Variants in CCDC85A observed in about 807,000 individuals in gnomAD.
CCDC85A encodes coiled-coil domain containing 85A, also known as coiled-coil domain-containing protein 85A.
CCDC85A carries 38 observed loss-of-function variants against 50.2 expected under a neutral mutation model. That is an observed-to-expected ratio of 0.76 (90% confidence interval 0.58 to 0.99). The LOEUF (loss-of-function observed/expected upper bound fraction) is 0.99. Among genes scored for constraint, CCDC85A ranks in the 50% least tolerant of loss-of-function variants. CCDC85A has a pLI of 0.00. For synonymous variants in CCDC85A, 366 were observed against 301.4 expected (o/e 1.21, Z -2.22); for missense variants, 820 against 742.0 (o/e 1.11, Z -1.22).
intron 2 of CCDC85A, among the ~76,000 whole-genome samples, chr2:56,217,991 G>A (rs1481192368): frequency 6.6e-6 from 1 of 151,844 alleles, no homozygotes; most frequent in Non-Finnish European, 1.5e-5. Context: ...TGGTTTTACA[G>A]ACTCTGAGTT....
intron 2 of CCDC85A, among the ~76,000 whole-genome samples, chr2:56,289,926 G>A (rs1671626358): frequency 6.6e-6 from 1 of 152,132 alleles, no homozygotes; most frequent in African/African-American, 2.4e-5. Context: ...TTCAACTGCA[G>A]ATCAAACTGA....
At chr2:56,332,296 C>T (rs13404434) in intron 2 of CCDC85A, among the ~76,000 whole-genome samples, 29,644 of 151,906 alleles carry the variant, frequency 0.2, 3,897 homozygotes, top group African/African-American at 0.38. Flanking sequence ...TGGGCTGATA[C>T]AACAGAATAC....
chr2:56,360,720 A>G (rs1675481539), intron 3 of CCDC85A, among the ~76,000 whole-genome samples: 1 of 152,162 alleles, frequency 6.6e-6, no homozygotes, highest in Non-Finnish European at 1.5e-5. Flanking sequence ...TTAGTTTGTG[A>G]CAGTAGTTGT....
Position 56,206,065 on chromosome 2 carries a change from A to C in CCDC85A, c.1240+12625A>C, listed in dbSNP as rs528363291. Reference sequence around the variant, plus strand: ...GGTGGAAATGAGAAAATTATGTTAAAGGAACAGTGAGGAGATGAGTAGGTC... The same window carrying C: ...GGTGGAAATGAGAAAATTATGTTAACGGAACAGTGAGGAGATGAGTAGGTC... On this transcript the variant is annotated intron_variant, in intron 2 of 5. Coordinates refer to ENST00000407595, the MANE Select transcript of CCDC85A (RefSeq NM_001080433.2). 2.2e-3 allele frequency among the ~76,000 whole-genome samples: 333 copies of C among 152,288 alleles called. 1 individual carries two copies. The highest frequency in any genetic ancestry group is 7.7e-3 in the African/African-American group (320 of 41,574).
At chr2:56,261,260 A>C (rs1670207124) in intron 2 of CCDC85A, among the ~76,000 whole-genome samples, 1 of 152,214 alleles carries the variant, frequency 6.6e-6, no homozygotes, top group African/African-American at 2.4e-5. Context: ...CCTTATAGAG[A>C]GAAACAGCAC....
At chr2:56,366,887 T>C (rs1247685240) in intron 3 of CCDC85A, among the ~76,000 whole-genome samples, 3 of 152,328 alleles carry the variant, frequency 2.0e-5, no homozygotes, top group East Asian at 3.9e-4. Flanking sequence ...TCATCTTTTA[T>C]GATTTAATCT....
At chr2:56,249,048 G>T (rs1486379812) in intron 2 of CCDC85A, among the ~76,000 whole-genome samples, 1 of 152,222 alleles carries the variant, frequency 6.6e-6, no homozygotes, top group Non-Finnish European at 1.5e-5. Flanking sequence ...TGACAATGGA[G>T]GGAGGAAGTC....
intron 2 of CCDC85A, among the ~76,000 whole-genome samples, chr2:56,205,625 A>T (rs986395309): frequency 3.3e-5 from 5 of 152,150 alleles, no homozygotes; most frequent in African/African-American, 9.7e-5. Flanking sequence ...AACTGATAAG[A>T]CTCATGGATG....
At chr2:56,302,582 G>A (rs1403956257) in intron 2 of CCDC85A, among the ~76,000 whole-genome samples, 3 of 152,196 alleles carry the variant, frequency 2.0e-5, no homozygotes, top group Non-Finnish European at 4.4e-5. Flanking sequence ...TGGGAAAAAT[G>A]TATTTGGTTT....
chr2:56,254,571 G>A (rs76032554), intron 2 of CCDC85A, among the ~76,000 whole-genome samples: 1,942 of 152,224 alleles, frequency 0.013, 42 homozygotes, highest in African/African-American at 0.044. Flanking sequence ...CTTACTTTCC[G>A]CTGTTCTAGA....
At position 56,184,703 on chromosome 2, in the gene CCDC85A, G is replaced by C. The variant is rs1472430691; in HGVS notation, c.79G>C (p.Ala27Pro). The change falls in exon 1 of 6, where the codon GCG becomes CCG. Residue 27 changes from alanine to proline, a missense_variant. Coordinates refer to ENST00000407595, the MANE Select transcript of CCDC85A (RefSeq NM_001080433.2). ...TTCCCCAGCCCCGGCCGGCTCGTCC[G>C]CGGCCCCGCCCGCGCCGGTGGAGGA... ...SCSPAPAGSS[A>P]APPAPVEDLS... is the part of the protein sequence containing the mutation. The C allele has an allele frequency of 6.6e-7, 1 of 1,525,708 alleles. No individual in the cohort carries two copies. The highest frequency in any genetic ancestry group is 2.0e-5 in the Admixed American group (1 of 49,448). The allele number at this position is 1,525,708 out of a possible 1,614,324, so 94.5% of individuals were successfully genotyped here. A position where few individuals can be genotyped will look rare whatever the true frequency, so the allele number is the denominator to read the frequency against.
intron 2 of CCDC85A, among the ~76,000 whole-genome samples, chr2:56,337,509 G>C (rs17047815): frequency 6.6e-6 from 1 of 152,008 alleles, no homozygotes; most frequent in East Asian, 1.9e-4. Context: ...TTTCTTTTCC[G>C]TCATGTGATT....
chr2:56,288,246 C>G (rs1263917587), intron 2 of CCDC85A, among the ~76,000 whole-genome samples: 1 of 151,398 alleles, frequency 6.6e-6, no homozygotes, highest in East Asian at 1.9e-4. Flanking sequence ...TCATGACTCA[C>G]AAAGCTTTAT....
Position 56,384,424 on chromosome 2 carries a change from A to C in CCDC85A, c.*69A>C. The C allele has an allele frequency of 7.2e-7, 1 of 1,379,384 alleles. No homozygotes were observed. The highest frequency in any genetic ancestry group is 1.2e-5 in the South Asian group (1 of 85,634). 85.4% of individuals were successfully genotyped at this position (1,379,384 alleles called of 1,614,324 possible). On this transcript the variant is annotated 3_prime_UTR_variant, in exon 6 of 6. Transcript: ENST00000407595. ...GATAGAAGACAAGAAGAAAAAGGAA[A>C]GAGTGGGTTTCCACAAACCTGGACT...
At chr2:56,333,090 A>G (rs1484100669) in intron 2 of CCDC85A, among the ~76,000 whole-genome samples, 1 of 152,216 alleles carries the variant, frequency 6.6e-6, no homozygotes, top group African/African-American at 2.4e-5. Context: ...GCCTTATATA[A>G]TACACATAAT....
chr2:56,355,252 G>C (rs7562381), intron 3 of CCDC85A, among the ~76,000 whole-genome samples: 40,020 of 151,988 alleles, frequency 0.26, 6,323 homozygotes, highest in African/African-American at 0.44. Context: ...GGCTCCAAAC[G>C]CATAGGAAAA....
chr2:56,340,166 T>C (rs995653782), intron 2 of CCDC85A, among the ~76,000 whole-genome samples: 1 of 152,204 alleles, frequency 6.6e-6, no homozygotes, highest in African/African-American at 2.4e-5. Context: ...ATTGTTGTAT[T>C]TGTGAATTAA....
chr2:56,375,841 C>A lies in CCDC85A; in HGVS notation c.1478C>A (p.Ala493Asp). The change falls in exon 5 of 6, where the codon GCT becomes GAT. Residue 493 changes from alanine to aspartate, a missense_variant. Physicochemically the swap from Ala to Asp is moderately radical, Grantham distance 126 (BLOSUM62 -2). Transcript: ENST00000407595. Reference sequence around the variant, plus strand: ...GGTTCTTTTAGGTTGTCATCAGGGGCTGATGGGAGTAACAGTTCACCCAAC... The same window carrying A: ...GGTTCTTTTAGGTTGTCATCAGGGGATGATGGGAGTAACAGTTCACCCAAC... Reference protein sequence around the residue: ...LPGSFRLSSGADGSNSSPNSA... With the variant: ...LPGSFRLSSGDDGSNSSPNSA... 6.2e-7 allele frequency: 1 copy of A among 1,613,638 alleles called. No homozygotes were observed.
chr2:56,343,004 A>G, intron 3 of CCDC85A, 49 bp downstream of exon 3: 1 of 1,273,976 alleles, frequency 7.8e-7, no homozygotes, highest in Non-Finnish European at 1.1e-6. Flanking sequence ...TTTAAGTTGT[A>G]GTATTTTATT....
Sources: allele counts gnomAD v4.1 joint callset (sites outside exome capture counted in the v4.1 genomes callset), GRCh38; gene constraint gnomAD v4.1.1; transcripts MANE v1.5; gene names NCBI Gene and HGNC (gene_info 2026-07-23, HGNC 2026-07-21).